RANBP2: variants seen among roughly 807,000 people sequenced by gnomAD.
The protein encoded by RANBP2 is E3 SUMO-protein ligase RanBP2.
RANBP2 carries 57 observed loss-of-function variants against 303.6 expected under a neutral mutation model. The observed-to-expected ratio is 0.19, with a 90% confidence interval of 0.15 to 0.23. The LOEUF (loss-of-function observed/expected upper bound fraction) is 0.23, where lower values mean the gene tolerates loss of function less well. RANBP2 is among the 10% of genes least tolerant of loss of function. The probability of loss-of-function intolerance (pLI) is 1.00; values close to 1 mark genes in which losing one functional copy is unlikely to be tolerated. For missense variants in RANBP2, 3,138 were observed against 3,780.8 expected (o/e 0.83, Z 4.46); for synonymous variants, 1,167 against 1,301.5 (o/e 0.90, Z 2.23).
chr2:109,644,586 A>T, the RANBP2 span, among the ~76,000 whole-genome samples: 1 of 152,202 alleles, frequency 6.6e-6, no homozygotes, highest in African/African-American at 2.4e-5. Flanking sequence ...AAGGGAAAAA[A>T]AGAATAGAAA....
the RANBP2 span, among the ~76,000 whole-genome samples, chr2:109,420,547 G>T: frequency 4.6e-5 from 7 of 152,230 alleles, no homozygotes; most frequent in African/African-American, 1.4e-4. Context: ...CCAGGTTCAC[G>T]CAATTCTCCT....
At chr2:109,488,191 C>T in the RANBP2 span, among the ~76,000 whole-genome samples, 5 of 152,148 alleles carry the variant, frequency 3.3e-5, no homozygotes, top group Non-Finnish European at 7.4e-5. Context: ...CCTAGGGATC[C>T]CAGCCTTAGC....
chr2:109,389,280 A>G, the RANBP2 span, among the ~76,000 whole-genome samples: 1 of 152,212 alleles, frequency 6.6e-6, no homozygotes, highest in African/African-American at 2.4e-5. Context: ...CTTGTGCATC[A>G]GGTTCACACC....
At chr2:109,128,652 T>C in the RANBP2 span, 1 of 161,994 alleles carries the variant, frequency 6.2e-6, no homozygotes, top group Non-Finnish European at 1.3e-5. Context: ...CGGGGGGTCG[T>C]CGGGGAGGAT....
the RANBP2 span, among the ~76,000 whole-genome samples, chr2:109,715,512 G>A: frequency 6.6e-6 from 1 of 152,144 alleles, no homozygotes; most frequent in Non-Finnish European, 1.5e-5. Flanking sequence ...ATGAAGAGGT[G>A]CACCAGGCAA....
the RANBP2 span, among the ~76,000 whole-genome samples, chr2:109,012,255 T>C: frequency 6.6e-6 from 1 of 152,194 alleles, no homozygotes; most frequent in Non-Finnish European, 1.5e-5. Context: ...TTTGCTCCCC[T>C]GGAGGGTATG....
chr2:109,760,153 G>A, the RANBP2 span: 1 of 141,240 alleles, frequency 7.1e-6, no homozygotes, highest in Non-Finnish European at 1.5e-5. Context: ...GAGGATGCGG[G>A]AAACTTTGGG....
chr2:109,335,941 G>A, the RANBP2 span, among the ~76,000 whole-genome samples: 1 of 152,194 alleles, frequency 6.6e-6, no homozygotes, highest in Non-Finnish European at 1.5e-5. Context: ...ACACTTGGGG[G>A]CTGGGAGTGG....
chr2:109,553,658 G>A, the RANBP2 span, among the ~76,000 whole-genome samples: 1 of 151,816 alleles, frequency 6.6e-6, no homozygotes, highest in Non-Finnish European at 1.5e-5. Flanking sequence ...TTCAAGACCA[G>A]CCTGGCCAAC....
the RANBP2 span, among the ~76,000 whole-genome samples, chr2:109,399,392 C>G: frequency 6.6e-6 from 1 of 152,076 alleles, no homozygotes; most frequent in East Asian, 1.9e-4. Context: ...TTGTTGAGTA[C>G]TTTCGTTACT....
At chr2:108,940,704 C>T in the RANBP2 span, among the ~76,000 whole-genome samples, 2 of 152,252 alleles carry the variant, frequency 1.3e-5, no homozygotes, top group Non-Finnish European at 2.9e-5. Context: ...CGTCACACCA[C>T]GCGATGACGT....
At chr2:108,828,392 A>G in the RANBP2 span, among the ~76,000 whole-genome samples, 1 of 152,232 alleles carries the variant, frequency 6.6e-6, no homozygotes, top group Non-Finnish European at 1.5e-5. Flanking sequence ...GGCACAATGA[A>G]AAGCCAAAAC....
At chr2:109,171,897 TC>T in the RANBP2 span, among the ~76,000 whole-genome samples, 1 of 152,380 alleles carries the variant, frequency 6.6e-6, no homozygotes, top group Non-Finnish European at 1.5e-5. Flanking sequence ...CATTCTGTGT[TC>T]CCATAAAGGG....
the RANBP2 span, chr2:109,614,292 C>T: frequency 1.2e-5 from 6 of 514,698 alleles, no homozygotes; most frequent in East Asian, 9.1e-5. Flanking sequence ...GGCGTGGGCG[C>T]GGGGCGGGGG....
the RANBP2 span, among the ~76,000 whole-genome samples, chr2:109,307,435 T>TTA: frequency 0.3 from 45,315 of 149,912 alleles, 8,378 homozygotes; most frequent in African/African-American, 0.53. Flanking sequence ...TTTTTTTTAT[T>TTA]ATTATACTTT....
chr2:108,864,992 T>C, the RANBP2 span, among the ~76,000 whole-genome samples: 1 of 151,930 alleles, frequency 6.6e-6, no homozygotes, highest in South Asian at 2.1e-4. Flanking sequence ...CATTCACATA[T>C]CTCATAATTT....
the RANBP2 span, among the ~76,000 whole-genome samples, chr2:109,650,509 C>T: frequency 9.5e-3 from 1,450 of 152,274 alleles, 20 homozygotes; most frequent in African/African-American, 0.033. Flanking sequence ...CACTTTCCCT[C>T]CTTACCAATC....
chr2:109,337,902 A>AT, the RANBP2 span, among the ~76,000 whole-genome samples: 128 of 146,724 alleles, frequency 8.7e-4, 1 homozygote, highest in Non-Finnish European at 1.4e-3. Context: ...TAATTTTTGT[A>AT]TTTTTTTTTT....
the RANBP2 span, among the ~76,000 whole-genome samples, chr2:109,194,811 G>A: frequency 3.9e-5 from 6 of 152,240 alleles, no homozygotes; most frequent in East Asian, 1.9e-4. Context: ...TTCACAGGAC[G>A]AAAAGATTGA....
Sources: gnomAD v4.1 joint callset for allele counts (sites outside exome capture counted in the v4.1 genomes callset) on GRCh38, gnomAD v4.1.1 for gene constraint, MANE v1.5 for transcripts, NCBI Gene and HGNC (gene_info 2026-07-23, HGNC 2026-07-21) for gene names.